The following AUTS2 variants were observed in gnomAD, a reference collection of about 807,000 sequenced individuals.
AUTS2 encodes activator of transcription and developmental regulator AUTS2, also known as autism susceptibility gene 2 protein.
In AUTS2, 17 loss-of-function variants were observed where a neutral mutation model predicts 112.4. That is an observed-to-expected ratio of 0.15 (90% CI 0.10 to 0.23). The LOEUF (loss-of-function observed/expected upper bound fraction) is 0.23, where lower values mean the gene tolerates loss of function less well. Ranked by LOEUF, AUTS2 falls within the 10% of genes least tolerant of loss-of-function variation. The pLI, the probability that AUTS2 is intolerant of heterozygous loss-of-function variation, is 1.00. For missense variants in AUTS2, 1,510 were observed against 1,701.6 expected (o/e 0.89, Z 1.98); for synonymous variants, 751 against 702.7 (o/e 1.07, Z -1.09).
chr7:70,205,428 T>C (rs746490634), intron 4 of AUTS2, among the ~76,000 whole-genome samples: 1 of 152,210 alleles, frequency 6.6e-6, no homozygotes, highest in Non-Finnish European at 1.5e-5. Context: ...TAACAACGTG[T>C]CAGTCAACAA....
At chr7:70,611,381 C>T (rs903401955) in intron 5 of AUTS2, among the ~76,000 whole-genome samples, 1 of 152,200 alleles carries the variant, frequency 6.6e-6, no homozygotes, top group Non-Finnish European at 1.5e-5. Context: ...TATCATCTTG[C>T]ACCATGATGT....
Position 70,762,873 on chromosome 7 carries a change from C to A in AUTS2, c.746C>A (p.Pro249Gln), listed in dbSNP as rs771454541. ...GTCTTTGCTCTCTCCCATGCAGATC[C>A]GGAGTTAGGTGTTGGCACGCTACCA... Reference protein sequence around the residue: ...LFNTVIVNKDPELGVGTLPEH... With the variant: ...LFNTVIVNKDQELGVGTLPEH... Residue 249 changes from proline (P) to glutamine (Q), a missense_variant, in exon 7 of 19, where the codon CCG becomes CAG. This residue lies in a region of AUTS2 where 535 missense variants were observed against 594.3 expected (regional missense o/e 0.90). Transcript: ENST00000342771. The A allele has an allele frequency of 1.3e-5, 21 of 1,610,138 alleles. No individual in the cohort carries two copies. In the South Asian group the frequency reaches 2.2e-4, roughly 17 times the overall value.
At chr7:70,653,467 A>T (rs1004644298) in intron 5 of AUTS2, among the ~76,000 whole-genome samples, 1 of 152,156 alleles carries the variant, frequency 6.6e-6, no homozygotes, top group Non-Finnish European at 1.5e-5. Context: ...GTTTGCCACC[A>T]TTACCAATTA....
At chr7:70,576,690 A>C (rs539134718) in intron 5 of AUTS2, among the ~76,000 whole-genome samples, 109 of 152,348 alleles carry the variant, frequency 7.2e-4, no homozygotes, top group Non-Finnish European at 1.4e-3. Context: ...AAGGATTCCA[A>C]AAATAGGAAT....
chr7:70,520,355 GT>G (rs972033897), intron 5 of AUTS2, among the ~76,000 whole-genome samples: 7 of 152,136 alleles, frequency 4.6e-5, no homozygotes, highest in African/African-American at 1.7e-4. Context: ...CCTGTGCCTG[GT>G]CTCTCCTCAG....
intron 6 of AUTS2, among the ~76,000 whole-genome samples, chr7:70,733,419 A>G (rs1787562770): frequency 1.3e-5 from 2 of 152,336 alleles, no homozygotes; most frequent in South Asian, 4.1e-4. Context: ...CCAATTGTCT[A>G]GATTATTTTC....
intron 1 of AUTS2, among the ~76,000 whole-genome samples, chr7:69,703,445 A>G (rs151314375): frequency 6.6e-6 from 1 of 152,332 alleles, no homozygotes; most frequent in East Asian, 1.9e-4. Flanking sequence ...ACCACTTTGT[A>G]AAAGAAAAAA....
intron 5 of AUTS2, among the ~76,000 whole-genome samples, chr7:70,598,566 C>G (rs1024375780): frequency 6.6e-6 from 1 of 152,100 alleles, no homozygotes; most frequent in Non-Finnish European, 1.5e-5. Flanking sequence ...ACACACCTGA[C>G]TGTGAGCTGT....
chr7:69,886,615 A>G (rs964594932), intron 1 of AUTS2, among the ~76,000 whole-genome samples: 2 of 151,978 alleles, frequency 1.3e-5, no homozygotes, highest in East Asian at 1.9e-4. Context: ...CCCACCCTTC[A>G]TATCATTTTG....
chr7:70,733,544 A>G (rs1177151298), intron 6 of AUTS2, among the ~76,000 whole-genome samples: 1 of 43,898 alleles, frequency 2.3e-5, no homozygotes, highest in African/African-American at 8.8e-5. Flanking sequence ...CCACCCCCCT[A>G]CCCCCACATC....
At chr7:69,822,004 T>C (rs546194931) in intron 1 of AUTS2, among the ~76,000 whole-genome samples, 1 of 151,520 alleles carries the variant, frequency 6.6e-6, no homozygotes, top group South Asian at 2.1e-4. Flanking sequence ...AGCAGGGAAG[T>C]AACAAGATTA....
intron 1 of AUTS2, among the ~76,000 whole-genome samples, chr7:69,753,249 G>C (rs1787813170): frequency 1.3e-5 from 2 of 152,082 alleles, no homozygotes. Context: ...TTGTTTGGCT[G>C]GTCTGCTGGT....
intron 5 of AUTS2, among the ~76,000 whole-genome samples, chr7:70,555,825 CAG>C (rs904784410): frequency 1.8e-4 from 26 of 145,154 alleles, no homozygotes; most frequent in African/African-American, 6.1e-4. Context: ...TTTTTTGAGA[CAG>C]AGTCTCGTCG....
At chr7:69,635,293 C>G (rs1794462693) in intron 1 of AUTS2, among the ~76,000 whole-genome samples, 1 of 152,198 alleles carries the variant, frequency 6.6e-6, no homozygotes, top group African/African-American at 2.4e-5. Context: ...GAAAGATGTT[C>G]ATGCTTTACC....
At chr7:70,240,132 C>A (rs966364970) in intron 4 of AUTS2, among the ~76,000 whole-genome samples, 1 of 152,178 alleles carries the variant, frequency 6.6e-6, no homozygotes, top group Non-Finnish European at 1.5e-5. Flanking sequence ...CAACCAGAAT[C>A]TCCCAGCCCC....
intron 5 of AUTS2, among the ~76,000 whole-genome samples, chr7:70,462,235 G>C (rs1379942341): frequency 6.6e-6 from 1 of 152,152 alleles, no homozygotes; most frequent in African/African-American, 2.4e-5. Context: ...CTGGGTGATA[G>C]AGCAAGACTC....
At chr7:70,437,091 C>T (rs1795925211) in intron 5 of AUTS2, 1 of 152,374 alleles carries the variant, frequency 6.6e-6, no homozygotes, top group Admixed American at 6.5e-5. Context: ...GTGCATTATC[C>T]ATGTCATTTT....
Position 69,610,254 on chromosome 7 carries a change from C to T in AUTS2, c.309+10292C>T, listed in dbSNP as rs188376311. Among the ~76,000 whole-genome samples the T allele has an allele frequency of 1.5e-3, 236 of 152,302 alleles. 1 individual carries two copies. The highest frequency in any genetic ancestry group is 5.5e-3 in the African/African-American group (228 of 41,560). On this transcript the variant is annotated intron_variant, in intron 1 of 18. Transcript: ENST00000342771. ...GGGCTGAGTAATCTTTAGATCTGTG[C>T]TTCATTTCATTAATGGAGTTGTTAA...
At chr7:69,947,687 A>G (rs2129545617) in intron 2 of AUTS2, among the ~76,000 whole-genome samples, 1 of 152,318 alleles carries the variant, frequency 6.6e-6, no homozygotes, top group East Asian at 1.9e-4. Flanking sequence ...GCTGGTTGCC[A>G]TTTTAAAGAT....
Sources: allele counts gnomAD v4.1 joint callset (sites outside exome capture counted in the v4.1 genomes callset), GRCh38; gene constraint gnomAD v4.1.1; regional missense constraint gnomAD v4.1.1; transcripts MANE v1.5; gene names NCBI Gene and HGNC (gene_info 2026-07-23, HGNC 2026-07-21).